Variants in HIGD1C observed in about 807,000 individuals in gnomAD.
HIGD1C encodes the protein HIG1 hypoxia inducible domain family member 1C, also known as HIG1 domain family member 1C.
HIGD1C carries 11 observed loss-of-function variants against 13.1 expected under a neutral mutation model. The ratio of observed to expected loss-of-function variants is 0.84; its 90% CI spans 0.53 to 1.39. The LOEUF (loss-of-function observed/expected upper bound fraction) is 1.39, where lower values mean the gene tolerates loss of function less well. Ranked by LOEUF, HIGD1C falls within the 40% of genes most tolerant of loss-of-function variation. HIGD1C has a pLI of 0.00. For synonymous variants in HIGD1C, 36 were observed against 37.7 expected (o/e 0.95, Z 0.17); for missense variants, 110 against 112.0 (o/e 0.98, Z 0.08).
the HIGD1C span, among the ~76,000 whole-genome samples, chr12:50,941,351 T>C: frequency 6.6e-6 from 1 of 152,230 alleles, no homozygotes; most frequent in African/African-American, 2.4e-5. Flanking sequence ...ATTGTTAACC[T>C]GTCAGCCCAC....
At chr12:50,954,643 T>C (rs1225485984) in intron 1 of HIGD1C, among the ~76,000 whole-genome samples, 1 of 151,932 alleles carries the variant, frequency 6.6e-6, no homozygotes, top group Non-Finnish European at 1.5e-5. Context: ...GGAGGATTGC[T>C]TGAGCTCAGG....
chr12:50,938,168 C>A, the HIGD1C span, among the ~76,000 whole-genome samples: 1 of 152,092 alleles, frequency 6.6e-6, no homozygotes, highest in Non-Finnish European at 1.5e-5. Flanking sequence ...TGCCTGCAGG[C>A]CCCTTCCAAG....
the HIGD1C span, among the ~76,000 whole-genome samples, chr12:50,946,683 A>G: frequency 2.2e-4 from 33 of 152,288 alleles, no homozygotes; most frequent in Admixed American, 1.9e-3. Context: ...CAATTCCTCA[A>G]GGATCTAGAA....
upstream of HIGD1C, chr12:50,953,778 C>CCTCT (rs140900192): frequency 0.18 from 87,565 of 480,414 alleles, 9,897 homozygotes; most frequent in East Asian, 0.49. Context: ...ATTATCATTT[C>CCTCT]CTCTATGTAT....
chr12:50,940,108 A>C, the HIGD1C span: 2 of 152,172 alleles, frequency 1.3e-5, no homozygotes, highest in African/African-American at 2.4e-5. Context: ...AATAGTTTGC[A>C]AAATTCTTAT....
the HIGD1C span, among the ~76,000 whole-genome samples, chr12:50,944,105 T>G: frequency 6.6e-6 from 1 of 152,002 alleles, no homozygotes; most frequent in African/African-American, 2.4e-5. Context: ...TCTCACTTCA[T>G]AGAACAAAAA....
At chr12:50,970,801 C>A (rs937747307), downstream of HIGD1C, among the ~76,000 whole-genome samples, 1 of 152,150 alleles carries the variant, frequency 6.6e-6, no homozygotes, top group Non-Finnish European at 1.5e-5. Context: ...ATCTGTCAAA[C>A]TAATGATAAT....
At chr12:50,944,806 G>A in the HIGD1C span, among the ~76,000 whole-genome samples, 2 of 152,174 alleles carry the variant, frequency 1.3e-5, no homozygotes, top group Non-Finnish European at 2.9e-5. Flanking sequence ...AGAATCGCTT[G>A]AACCTGGGAG....
downstream of HIGD1C, among the ~76,000 whole-genome samples, chr12:50,970,890 A>T (rs6580776): frequency 0.3 from 43,440 of 143,314 alleles, 6,982 homozygotes; most frequent in African/African-American, 0.44. Flanking sequence ...ATTTTATTTT[A>T]TTTTTTGAGA....
At chr12:50,967,036 C>A (rs559689277) in intron 2 of HIGD1C, among the ~76,000 whole-genome samples, 6 of 151,872 alleles carry the variant, frequency 4.0e-5, no homozygotes, top group Non-Finnish European at 8.8e-5. Flanking sequence ...ATCACTTGAA[C>A]CCAGGAGGCA....
At chr12:50,954,069 G>C (rs1023636414) in exon 1 of HIGD1C, 11 of 1,611,542 alleles carry the variant, frequency 6.8e-6, no homozygotes, top group African/African-American at 5.3e-5. Context: ...AGGAAATCTA[G>C]AGACTCCCCC....
At chr12:50,958,333 G>A (rs1217084193) in intron 1 of HIGD1C, among the ~76,000 whole-genome samples, 1 of 148,006 alleles carries the variant, frequency 6.8e-6, no homozygotes, top group African/African-American at 2.5e-5. Flanking sequence ...CCAGGCTGGA[G>A]TGCAGTGGCA....
At chr12:50,960,182 C>T (rs1270424937) in intron 1 of HIGD1C, among the ~76,000 whole-genome samples, 1 of 152,188 alleles carries the variant, frequency 6.6e-6, no homozygotes, top group Non-Finnish European at 1.5e-5. Context: ...CAGAGTTATG[C>T]TTCTTGTGCA....
rs11832863 is a variant in HIGD1C at position 50,961,667 on chromosome 12, C to T, written c.229+565C>T. On this transcript the variant is annotated intron_variant, in intron 2 of 2. Coordinates refer to ENST00000398455, the Ensembl canonical transcript of HIGD1C. ...ATTGTCTTCATTAATTCAGGTTATACCCAGAGCTAAATCAGGTAGTTCTAA... is the reference window on the plus strand; with the variant it reads ...ATTGTCTTCATTAATTCAGGTTATATCCAGAGCTAAATCAGGTAGTTCTAA... Among the ~76,000 whole-genome samples the T allele has an allele frequency of 7.0e-3, 1,071 of 152,248 alleles. 20 individuals carry two copies. Among genetic ancestry groups the T allele is most frequent in the African/African-American group, 0.024 (996 of 41,546 alleles).
At chr12:50,938,145 C>T in the HIGD1C span, among the ~76,000 whole-genome samples, 2 of 152,112 alleles carry the variant, frequency 1.3e-5, no homozygotes, top group Admixed American at 6.5e-5. Context: ...CCCAGGCTGT[C>T]TGTGCCAAGG....
the HIGD1C span, among the ~76,000 whole-genome samples, chr12:50,941,953 A>G: frequency 3.3e-5 from 5 of 152,070 alleles, no homozygotes; most frequent in Non-Finnish European, 7.4e-5. Flanking sequence ...CAGTGGTGCA[A>G]TCTCGGCTCA....
chr12:50,953,955 T>C, exon 1 of HIGD1C: 3 of 1,155,996 alleles, frequency 2.6e-6, no homozygotes, highest in Non-Finnish European at 3.9e-6. Context: ...TTTTTAATGA[T>C]TCACGGCAAC....
the HIGD1C span, among the ~76,000 whole-genome samples, chr12:50,938,071 C>T: frequency 6.6e-6 from 1 of 152,156 alleles, no homozygotes; most frequent in Non-Finnish European, 1.5e-5. Flanking sequence ...TCACTGGGTA[C>T]CTGCCCCTTC....
chr12:50,939,288 C>A, the HIGD1C span, among the ~76,000 whole-genome samples: 3 of 151,784 alleles, frequency 2.0e-5, no homozygotes, highest in African/African-American at 7.3e-5. Flanking sequence ...TCTGGAATTA[C>A]AGGCATCTGC....
Sources: gnomAD v4.1 joint callset for allele counts (sites outside exome capture counted in the v4.1 genomes callset) on GRCh38, gnomAD v4.1.1 for gene constraint, MANE v1.5 for transcripts, NCBI Gene and HGNC (gene_info 2026-07-23, HGNC 2026-07-21) for gene names.